The following ATP6V1C1 variants were observed in gnomAD, a reference collection of about 807,000 sequenced individuals.
ATP6V1C1 encodes the protein ATPase H+ transporting V1 subunit C1.
Under a neutral mutation model 53.9 loss-of-function variants are expected in ATP6V1C1, and 45 were observed. That is an observed-to-expected ratio of 0.83 (90% CI 0.66 to 1.07). The LOEUF is 1.07. Among genes scored for constraint, ATP6V1C1 ranks in the 50% least tolerant of loss-of-function variants. ATP6V1C1 has a pLI of 0.00. For synonymous variants in ATP6V1C1, 153 were observed against 155.2 expected (o/e 0.99, Z 0.11); for missense variants, 315 against 440.3 (o/e 0.72, Z 2.55).
chr8:103,068,805 A>C lies in ATP6V1C1; in HGVS notation c.*58A>C, dbSNP rs1324000184. The C allele has an allele frequency of 6.8e-6, 10 of 1,471,358 alleles. No homozygotes were observed. Among genetic ancestry groups the C allele is most frequent in the Non-Finnish European group, 9.4e-6 (10 of 1,067,036 alleles). The allele number at this position is 1,471,358 out of a possible 1,614,324, so 91.1% of individuals were successfully genotyped here. A position where few individuals can be genotyped will look rare whatever the true frequency, so the allele number is the denominator to read the frequency against. ...GTGTTTGTGTGTGCTAACAGAAATA[A>C]GTTGCAGTATGGTCGTACTTTTAAC... On this transcript the variant is annotated 3_prime_UTR_variant, in exon 13 of 13. Coordinates refer to ENST00000518738, the MANE Select transcript of ATP6V1C1 (RefSeq NM_001695.5).
At chr8:103,048,828 T>A in intron 3 of ATP6V1C1, 42 bp from the exon 4 acceptor site, 1 of 1,534,624 alleles carries the variant, frequency 6.5e-7, no homozygotes, top group Non-Finnish European at 9.0e-7. Context: ...GGAATTTAGA[T>A]CTTTTTCCTG....
chr8:103,042,330 T>C lies in ATP6V1C1; in HGVS notation c.133-10T>C. On this transcript the variant is annotated splice_polypyrimidine_tract_variant and intron_variant, in intron 2 of 12. Transcript: ENST00000518738. ...CATGCCACCTAAATAACAATATATT[T>C]TCCTTTTAGGTTGGCACGTTGGATG... The C allele has an allele frequency of 6.2e-7, 1 of 1,613,470 alleles. No homozygotes were observed.
At chr8:103,033,486 T>C (rs1246462560) in intron 1 of ATP6V1C1, among the ~76,000 whole-genome samples, 1 of 152,198 alleles carries the variant, frequency 6.6e-6, no homozygotes, top group Non-Finnish European at 1.5e-5. Flanking sequence ...ACCATGCTGG[T>C]CTCTGTGCCA....
At chr8:103,064,510 ATC>A (rs1293157738) in intron 10 of ATP6V1C1, 5 of 411,918 alleles carry the variant, frequency 1.2e-5, no homozygotes, top group African/African-American at 8.1e-5. Context: ...GTCTGTTGAG[ATC>A]TCTCTGTAGT....
At chr8:103,059,401 C>T (rs944325101) in intron 8 of ATP6V1C1, among the ~76,000 whole-genome samples, 1 of 152,134 alleles carries the variant, frequency 6.6e-6, no homozygotes, top group Non-Finnish European at 1.5e-5. Flanking sequence ...TCACCCCAAT[C>T]TCAGACTCAA....
Position 103,068,658 on chromosome 8 carries a change from A to G in ATP6V1C1, c.1060A>G (p.Met354Val), listed in dbSNP as rs756750681. ...SSAAAIIDAP[M>V]DIPGLNLSQQ... ...TTGTCTGTTTTTTCCATAGGCTCCT[A>G]TGGATATTCCAGGTTTAAACCTGAG... is the stretch of plus-strand genomic sequence containing the variant. The change falls in exon 13 of 13, where the codon ATG becomes GTG. Residue 354 changes from methionine (M) to valine (V), a missense_variant. Met to Val is a conservative substitution (Grantham distance 21). Transcript: ENST00000518738. The G allele has an allele frequency of 3.7e-6, 6 of 1,603,768 alleles. No homozygotes were observed. The highest frequency in any genetic ancestry group is 3.4e-5 in the South Asian group (3 of 89,220).
In ATP6V1C1 at chr8:103,069,212, A is replaced by G. The variant is rs1208600195; in HGVS notation, c.*465A>G. On this transcript the variant is annotated 3_prime_UTR_variant, in exon 13 of 13. Transcript: ENST00000518738. The stretch of plus-strand genomic sequence containing the variant: ...ACCATCTTCAGGTATGGGATTTCTG[A>G]ACGTTTCAAATTTCAATCAATGAGC... 6.6e-6 allele frequency: 1 copy of G among 152,308 alleles called. No homozygotes were observed. The highest frequency in any genetic ancestry group is 2.4e-5 in the African/African-American group (1 of 41,452). The allele number at this position is 152,308 out of a possible 1,614,324, so 9.4% of individuals were successfully genotyped here.
chr8:103,033,144 A>G (rs1816828148), intron 1 of ATP6V1C1, among the ~76,000 whole-genome samples: 1 of 152,236 alleles, frequency 6.6e-6, no homozygotes, highest in Non-Finnish European at 1.5e-5. Flanking sequence ...ATCTATAGTA[A>G]CAGAAAGCAG....
At chr8:103,054,405 T>C (rs1817252202) in intron 7 of ATP6V1C1, among the ~76,000 whole-genome samples, 2 of 152,114 alleles carry the variant, frequency 1.3e-5, no homozygotes, top group African/African-American at 4.8e-5. Flanking sequence ...AATTTTTTTC[T>C]ATAAAGGGCT....
intron 3 of ATP6V1C1, among the ~76,000 whole-genome samples, chr8:103,043,189 C>T (rs2131390166): frequency 6.6e-6 from 1 of 152,278 alleles, no homozygotes; most frequent in South Asian, 2.1e-4. Flanking sequence ...CCCAGAGTGG[C>T]TGTACCGTGT....
chr8:103,061,745 A>G (rs2131402480), intron 8 of ATP6V1C1, among the ~76,000 whole-genome samples: 1 of 152,322 alleles, frequency 6.6e-6, no homozygotes, highest in Admixed American at 6.5e-5. Context: ...TAAACATTAG[A>G]AGAACTCCAG....
intron 3 of ATP6V1C1, among the ~76,000 whole-genome samples, chr8:103,046,523 T>C (rs1347735613): frequency 6.6e-6 from 1 of 152,186 alleles, no homozygotes; most frequent in East Asian, 1.9e-4. Context: ...GCTCAGATTT[T>C]TTAGGGAAGG....
chr8:103,064,951 G>A, intron 11 of ATP6V1C1, 140 bp downstream of exon 11: 1 of 672,974 alleles, frequency 1.5e-6, no homozygotes, highest in East Asian at 2.8e-5. Context: ...GAGATTATCA[G>A]TATCATCATA....
chr8:103,059,886 A>G (rs1002882042), intron 8 of ATP6V1C1, among the ~76,000 whole-genome samples: 2 of 55,096 alleles, frequency 3.6e-5, no homozygotes, highest in African/African-American at 7.7e-5. Flanking sequence ...ACGCACACAC[A>G]CACACACACA....
Position 103,052,732 on chromosome 8 carries a change from G to C in ATP6V1C1, c.383G>C (p.Gly128Ala). 6.3e-7 allele frequency: 1 copy of C among 1,578,498 alleles called. No homozygotes were observed. Among genetic ancestry groups the C allele is most frequent in the African/African-American group, 1.4e-5 (1 of 73,092 alleles). The change falls in exon 6 of 13, where the codon GGA becomes GCA. Residue 128 changes from glycine (G) to alanine (A), a missense_variant and splice_region_variant. By Grantham distance (60) the Gly-to-Ala change is moderately conservative. Coordinates refer to ENST00000518738, the MANE Select transcript of ATP6V1C1 (RefSeq NM_001695.5). ...LKNISEIIAK[G>A]VTQIDNDLKS... is the part of the protein sequence containing the mutation. ...TTTTCTTCTTTTTCTTTTTCAAAGG[G>C]AGTAACTCAGATTGATAATGACCTG...
In ATP6V1C1 at chr8:103,052,755, C is replaced by G. The variant is rs753473625; in HGVS notation, c.406C>G (p.Leu136Val). ...AKGVTQIDND[L>V]KSRASAYNNL... ...GGGAGTAACTCAGATTGATAATGACCTGAAATCTCGAGCATCTGCATACAA... is the reference window on the plus strand; with the variant it reads ...GGGAGTAACTCAGATTGATAATGACGTGAAATCTCGAGCATCTGCATACAA... Residue 136 changes from leucine to valine, a missense_variant, in exon 6 of 13, where the codon CTG becomes GTG. Transcript: ENST00000518738. 5 of 1,592,182 alleles carry G rather than the reference C, an allele frequency of 3.1e-6. No homozygotes were observed. The highest frequency in any genetic ancestry group is 4.3e-6 in the Non-Finnish European group (5 of 1,171,188).
chr8:103,036,268 G>A (rs1284819366), intron 1 of ATP6V1C1, among the ~76,000 whole-genome samples: 1 of 152,202 alleles, frequency 6.6e-6, no homozygotes, highest in Non-Finnish European at 1.5e-5. Context: ...CTATCTCATG[G>A]GTTGTAGTGA....
intron 12 of ATP6V1C1, 87 bp downstream of exon 12, chr8:103,066,534 G>A: frequency 7.4e-7 from 1 of 1,354,402 alleles, no homozygotes; most frequent in East Asian, 2.5e-5. Flanking sequence ...AAAAGGGAGG[G>A]TAAGTATGAA....
rs141612711 is a variant in ATP6V1C1 at position 103,023,805 on chromosome 8, A to G, written c.-40+2580A>G. ...GCCACAGTTTTCTGACTGCTGATGT[A>G]TTCCTGCTGATTACCTACACAGTAC... On this transcript the variant is annotated intron_variant, in intron 1 of 12. Transcript: ENST00000518738. Among the ~76,000 whole-genome samples, 549 of 152,136 alleles carry G rather than the reference A, an allele frequency of 3.6e-3. 3 individuals are homozygous for G. Among genetic ancestry groups the G allele is most frequent in the African/African-American group, 0.012 (517 of 41,522 alleles).
Sources: gnomAD v4.1 joint callset for allele counts (sites outside exome capture counted in the v4.1 genomes callset) on GRCh38, gnomAD v4.1.1 for gene constraint, MANE v1.5 for transcripts, NCBI Gene and HGNC (gene_info 2026-07-23, HGNC 2026-07-21) for gene names.